NIBAN3: variants seen among roughly 807,000 people sequenced by gnomAD.
NIBAN3 encodes the protein niban apoptosis regulator 3.
Under a neutral mutation model 76.4 loss-of-function variants are expected in NIBAN3, and 66 were observed. The ratio of observed to expected loss-of-function variants is 0.86; its 90% CI spans 0.71 to 1.06. NIBAN3 has a LOEUF of 1.06. Among genes scored for constraint, NIBAN3 ranks in the 50% least tolerant of loss-of-function variants. The pLI, the probability that NIBAN3 is intolerant of heterozygous loss-of-function variation, is 0.00. For missense variants in NIBAN3, 808 were observed against 810.7 expected (o/e 1.00, Z 0.04); for synonymous variants, 360 against 355.2 (o/e 1.01, Z -0.15).
chr19:17,529,293 A>AT (rs57168507), intron 1 of NIBAN3, among the ~76,000 whole-genome samples: 6,341 of 147,176 alleles, frequency 0.043, 433 homozygotes, highest in African/African-American at 0.14. Flanking sequence ...CAAGATAAGG[A>AT]TTTTTTTTTT....
rs375860647 is a variant in NIBAN3 at position 17,553,280 on chromosome 19, G to A, written c.*1382G>A. On this transcript the variant is annotated 3_prime_UTR_variant, in exon 15 of 15. Coordinates refer to ENST00000599164, the MANE Select transcript of NIBAN3 (RefSeq NM_001321827.2). Reference sequence around the variant, plus strand: ...TACAGATTTTGGGGTTTTTTTCTCCGCTTGCTGTGAGCCTTTTGGGTTTGT... The same window carrying A: ...TACAGATTTTGGGGTTTTTTTCTCCACTTGCTGTGAGCCTTTTGGGTTTGT... 26 of 1,602,842 alleles carry A rather than the reference G, an allele frequency of 1.6e-5. No individual in the cohort carries two copies. The African/African-American group carries it at 2.3e-4, about 14-fold the overall frequency.
intron 13 of NIBAN3, among the ~76,000 whole-genome samples, chr19:17,546,998 C>G (rs552723497): frequency 6.6e-6 from 1 of 152,234 alleles, no homozygotes; most frequent in South Asian, 2.1e-4. Context: ...GGCCGTTGGA[C>G]TGGGGCTGTG....
chr19:17,541,054 G>A (rs180968669), intron 9 of NIBAN3, among the ~76,000 whole-genome samples: 2 of 152,068 alleles, frequency 1.3e-5, no homozygotes, highest in African/African-American at 2.4e-5. Context: ...AGTTTAAAAC[G>A]TGAGGGGAAA....
At chr19:17,534,078 C>A (rs2075780394) in intron 4 of NIBAN3, among the ~76,000 whole-genome samples, 1 of 152,194 alleles carries the variant, frequency 6.6e-6, no homozygotes, top group South Asian at 2.1e-4. Context: ...TGTCTCATGC[C>A]TGTAGTCCCA....
intron 1 of NIBAN3, 73 bp downstream of exon 1, chr19:17,527,468 C>T: frequency 7.0e-7 from 1 of 1,425,162 alleles, no homozygotes; most frequent in Non-Finnish European, 9.3e-7. Context: ...CCACATGCTC[C>T]ATGCAGCAGA....
At chr19:17,538,136 G>A (rs1025056323) in intron 5 of NIBAN3, among the ~76,000 whole-genome samples, 9 of 152,126 alleles carry the variant, frequency 5.9e-5, no homozygotes, top group Middle Eastern at 3.4e-3. Flanking sequence ...AGGACTAGCC[G>A]CTGGGCGCGG....
chr19:17,524,711 G>A (rs1346909404), upstream of NIBAN3, among the ~76,000 whole-genome samples: 1 of 152,240 alleles, frequency 6.6e-6, no homozygotes, highest in African/African-American at 2.4e-5. Flanking sequence ...ACACCATTCA[G>A]GGCTGGTAGA....
chr19:17,531,449 G>C (rs1418924954), intron 2 of NIBAN3, among the ~76,000 whole-genome samples: 3 of 151,890 alleles, frequency 2.0e-5, no homozygotes, highest in Non-Finnish European at 4.4e-5. Flanking sequence ...CCAGTGACAA[G>C]GACAGATCCT....
Position 17,549,544 on chromosome 19 carries a change from G to C in NIBAN3, c.1750+17G>C. ...AGGGAGCAGGTGGGGAACTTCACAG[G>C]CTTCTGAAACATGCCAGTGATTGCT... On this transcript the variant is annotated intron_variant, in intron 14 of 14. Coordinates refer to ENST00000599164, the MANE Select transcript of NIBAN3 (RefSeq NM_001321827.2). 1 of 1,600,262 alleles carries C rather than the reference G, an allele frequency of 6.2e-7. No individual in the cohort carries two copies. Among genetic ancestry groups the C allele is most frequent in the Non-Finnish European group, 8.6e-7 (1 of 1,167,326 alleles).
At position 17,539,330 on chromosome 19, in the gene NIBAN3, G is replaced by A; in HGVS notation, c.712-17G>A. On this transcript the variant is annotated splice_polypyrimidine_tract_variant and intron_variant, in intron 6 of 14. Transcript: ENST00000599164. ...CCTCCCGGCCGACCGCGGCGCCCAT[G>A]GCCCCCTCTCCTGCAGGTGCTGACC... is the stretch of plus-strand genomic sequence containing the variant. 1 of 1,550,826 alleles carries A rather than the reference G, an allele frequency of 6.4e-7. No individual in the cohort carries two copies. The highest frequency in any genetic ancestry group is 8.7e-7 in the Non-Finnish European group (1 of 1,148,360).
intron 12 of NIBAN3, 174 bp downstream of exon 12, chr19:17,543,805 A>G: frequency 1.9e-6 from 1 of 521,060 alleles, no homozygotes; most frequent in Non-Finnish European, 3.4e-6. Flanking sequence ...AGCCTGGCTA[A>G]CATAGTGAAA....
rs1599757380 is a variant in NIBAN3 at position 17,547,656 on chromosome 19, A to T, written c.1666+859A>T. ...GCGTGAGCCACCGCACCCGGCCAAG[A>T]CTCCATCTTTTATTTTTTATTTTAT... On this transcript the variant is annotated intron_variant, in intron 13 of 14. Transcript: ENST00000599164. 2.1e-5 allele frequency among the ~76,000 whole-genome samples: 3 copies of T among 143,502 alleles called. No individual in the cohort carries two copies. The Middle Eastern group carries it at 0.012, about 593-fold the overall frequency. 94.1% of individuals were successfully genotyped at this position (143,502 alleles called of 152,430 possible). A position where few individuals can be genotyped will look rare whatever the true frequency, so the allele number is the denominator to read the frequency against.
chr19:17,554,146 T>A (rs935756344), downstream of NIBAN3, among the ~76,000 whole-genome samples: 4 of 152,058 alleles, frequency 2.6e-5, no homozygotes, highest in African/African-American at 9.7e-5. Flanking sequence ...AATGCTGGGA[T>A]TACAGGCGTG....
chr19:17,555,106 A>G (rs2076201562), downstream of NIBAN3, among the ~76,000 whole-genome samples: 1 of 152,022 alleles, frequency 6.6e-6, no homozygotes, highest in Non-Finnish European at 1.5e-5. Flanking sequence ...CGCCAACCCT[A>G]TAGGGTCTCT....
intron 14 of NIBAN3, chr19:17,549,852 T>G: frequency 1.9e-6 from 1 of 513,334 alleles, no homozygotes; most frequent in Non-Finnish European, 3.4e-6. Context: ...AGACAGAGTC[T>G]AGATCTGTTG....
chr19:17,553,220 A>C lies in NIBAN3; in HGVS notation c.*1322A>C. The C allele has an allele frequency of 1.3e-6, 2 of 1,528,590 alleles. No homozygotes were observed. The highest frequency in any genetic ancestry group is 8.8e-7 in the Non-Finnish European group (1 of 1,140,924). The allele number at this position is 1,528,590 out of a possible 1,614,324, so 94.7% of individuals were successfully genotyped here. ...TCTTATTGATATCTAATAACTCTTT[A>C]TATCTGAAGGATATGAACGCTTTGT... On this transcript the variant is annotated 3_prime_UTR_variant, in exon 15 of 15. Transcript: ENST00000599164.
Position 17,553,376 on chromosome 19 carries a change from G to C in NIBAN3, c.*1478G>C, listed in dbSNP as rs2076184990. Reference sequence around the variant, plus strand: ...AGACAAGCTTTTACCGACTTCCTCTGCTTGCCAGCAAAGTCATCTGCTAAC... The same window carrying C: ...AGACAAGCTTTTACCGACTTCCTCTCCTTGCCAGCAAAGTCATCTGCTAAC... On this transcript the variant is annotated 3_prime_UTR_variant, in exon 15 of 15. Coordinates refer to ENST00000599164, the MANE Select transcript of NIBAN3 (RefSeq NM_001321827.2). 1 of 1,614,054 alleles carries C rather than the reference G, an allele frequency of 6.2e-7. No homozygotes were observed. The highest frequency in any genetic ancestry group is 1.7e-5 in the Admixed American group (1 of 59,996).
In NIBAN3 at chr19:17,539,689, G is replaced by C; in HGVS notation, c.903G>C (p.Ala301=). 1.3e-6 allele frequency: 2 copies of C among 1,554,630 alleles called. No homozygotes were observed. Among genetic ancestry groups the C allele is most frequent in the Non-Finnish European group, 1.7e-6 (2 of 1,149,910 alleles). Residue 301 remains alanine (A), a synonymous_variant, in exon 8 of 15, where the codon GCG becomes GCC. Transcript: ENST00000599164. ...AFQPEKDELL[A]SLEKTIRPDV... ...AGCCCGAAAAGGACGAGCTGCTTGCGTCGCTGGAGAAGACGATCCGCCCGG... is the reference window on the plus strand; with the variant it reads ...AGCCCGAAAAGGACGAGCTGCTTGCCTCGCTGGAGAAGACGATCCGCCCGG...
chr19:17,551,256 C>T (rs1266229709), intron 14 of NIBAN3, among the ~76,000 whole-genome samples: 2 of 151,566 alleles, frequency 1.3e-5, no homozygotes, highest in Non-Finnish European at 2.9e-5. Flanking sequence ...CCACCACGCC[C>T]GGCTACTTTT....
Sources: gnomAD v4.1 joint callset for allele counts (sites outside exome capture counted in the v4.1 genomes callset) on GRCh38, gnomAD v4.1.1 for gene constraint, MANE v1.5 for transcripts, NCBI Gene and HGNC (gene_info 2026-07-23, HGNC 2026-07-21) for gene names.